ADAMTS13: variants seen among roughly 807,000 people sequenced by gnomAD.
The protein encoded by ADAMTS13 is ADAM metallopeptidase with thrombospondin type 1 motif 13, also known as A disintegrin and metalloproteinase with thrombospondin motifs 13.
In ADAMTS13, 110 loss-of-function variants were observed where a neutral mutation model predicts 155.1. The observed-to-expected ratio is 0.71, with a 90% CI of 0.61 to 0.83. ADAMTS13 has a LOEUF of 0.83. Among genes scored for constraint, ADAMTS13 ranks in the 40% least tolerant of loss-of-function variants. The pLI is 0.00. For synonymous variants in ADAMTS13, 758 were observed against 756.4 expected (o/e 1.00, Z -0.03); for missense variants, 1,707 against 1,891.7 (o/e 0.90, Z 1.81).
rs145620870 is a variant in ADAMTS13, at chr9:133,448,579, T to G, written c.2732-20T>G. On this transcript the variant is annotated intron_variant, in intron 21 of 28. Transcript: ENST00000355699. ...TGAGCCTGTCCCTTGGGGCTCTGGG[T>G]CTCTGCTTTGTCCACGCAGGTCTGA... 7.8e-4 allele frequency: 1,254 copies of G among 1,608,054 alleles called. 11 individuals are homozygous for G. The African/African-American group carries it at 0.015, about 20-fold the overall frequency.
intron 11 of ADAMTS13, among the ~76,000 whole-genome samples, chr9:133,435,568 C>T (rs587755073): frequency 4.7e-4 from 69 of 147,938 alleles, no homozygotes; most frequent in Non-Finnish European, 8.6e-4. Context: ...CTCGCTCTGT[C>T]GCCCAAGCTG....
At chr9:133,414,621 G>A in exon 1 of ADAMTS13, 1 of 1,571,502 alleles carries the variant, frequency 6.4e-7, no homozygotes, top group Non-Finnish European at 8.8e-7. Flanking sequence ...CCTTGGTGAA[G>A]TCGCTGTGCC....
rs1012355291 is a variant in ADAMTS13, at chr9:133,441,999, C to T, written c.1969-400C>T. On this transcript the variant is annotated intron_variant, in intron 16 of 28. Coordinates refer to ENST00000355699, the MANE Select transcript of ADAMTS13 (RefSeq NM_139027.6). The surrounding 1 kb of genome is among the most constrained non-coding windows in gnomAD (Gnocchi z 5.0). ...CCCACCAATGACTTGGTAATTACCTCCCCGAGCCCTCTATCCCAACCCACT... is the reference window on the plus strand; with the variant it reads ...CCCACCAATGACTTGGTAATTACCTTCCCGAGCCCTCTATCCCAACCCACT... 1.3e-5 allele frequency among the ~76,000 whole-genome samples: 2 copies of T among 152,226 alleles called. No individual in the cohort carries two copies. The highest frequency in any genetic ancestry group is 4.8e-5 in the African/African-American group (2 of 41,456).
rs1840057424 is a variant in ADAMTS13 at position 133,422,985 on chromosome 9, C to T, written c.106-116C>T. Reference sequence around the variant, plus strand: ...GACATGGGGTCTTGTTATGTTGCCCCAGCTGGTCTCAAACTCCTGGACTCA... The same window carrying T: ...GACATGGGGTCTTGTTATGTTGCCCTAGCTGGTCTCAAACTCCTGGACTCA... On this transcript the variant is annotated intron_variant, in intron 1 of 28. Coordinates refer to ENST00000355699, the MANE Select transcript of ADAMTS13 (RefSeq NM_139027.6). 3 of 721,504 alleles carry T rather than the reference C, an allele frequency of 4.2e-6. No individual in the cohort carries two copies. The East Asian group carries it at 8.1e-5, about 20-fold the overall frequency. The allele number at this position is 721,504 out of a possible 1,614,324, so 44.7% of individuals were successfully genotyped here.
At chr9:133,455,678 A>G (rs1332938856) in intron 25 of ADAMTS13, 3 of 1,557,246 alleles carry the variant, frequency 1.9e-6, no homozygotes, top group African/African-American at 2.7e-5. Flanking sequence ...TCTGGGAAGG[A>G]CTGGCACAAG....
In ADAMTS13 at chr9:133,442,646, CA is replaced by C; in HGVS notation, c.2138del (p.Gln713ArgfsTer65). On this transcript the variant is annotated frameshift_variant, in exon 18 of 29. Transcript: ENST00000355699. LOFTEE classifies it high-confidence loss of function. ...CTGGGTAAACTACAGCTGCCTGGAC[CA>C]GGCCAGGAAGGAGTTGGTGGAGACT... is the stretch of plus-strand genomic sequence containing the variant. ...LRWVNYSCLDQARKELVETVQ... is the reference protein window; with the variant it reads ...LRWVNYSCLDXARKELVETVQ... 1 of 1,613,268 alleles carries C rather than the reference CA, an allele frequency of 6.2e-7. No individual in the cohort carries two copies. Among genetic ancestry groups the C allele is most frequent in the Non-Finnish European group, 8.5e-7 (1 of 1,180,030 alleles).
At chr9:133,454,387 C>T (rs945105212) in intron 23 of ADAMTS13, 28 bp from the exon 24 acceptor site, 5 of 1,612,758 alleles carry the variant, frequency 3.1e-6, no homozygotes, top group Non-Finnish European at 4.2e-6. Flanking sequence ...GAGACCTAGC[C>T]TCTCTCTGGG....
At position 133,448,606 on chromosome 9, in the gene ADAMTS13, G is replaced by T. The variant is rs1842225791; in HGVS notation, c.2739G>T (p.Met913Ile). The change falls in exon 22 of 29, where the codon ATG becomes ATT. Residue 913 changes from methionine to isoleucine, a missense_variant. Physicochemically the swap from Met to Ile is conservative, Grantham distance 10. Around this residue, in one of 3 missense-constraint regions of ADAMTS13, gnomAD observed 961 missense variants for 1,107.9 expected, o/e 0.87. Transcript: ENST00000355699. ...TCTGCTTTGTCCACGCAGGTCTGAT[G>T]GAGCTGCGTTTCCTGTGCATGGACT... ...SCSVSCGRGL[M>I]ELRFLCMDSA... is the part of the protein sequence containing the mutation. 1 of 1,610,202 alleles carries T rather than the reference G, an allele frequency of 6.2e-7. No homozygotes were observed.
intron 21 of ADAMTS13, among the ~76,000 whole-genome samples, chr9:133,446,373 T>G (rs147665621): frequency 6.6e-6 from 1 of 152,094 alleles, no homozygotes; most frequent in East Asian, 1.9e-4. Flanking sequence ...CAACCTCCAT[T>G]CTCCTTTCTG....
chr9:133,449,182 A>C (rs1554793508), intron 22 of ADAMTS13, among the ~76,000 whole-genome samples: 1 of 152,190 alleles, frequency 6.6e-6, no homozygotes, highest in East Asian at 1.9e-4. Flanking sequence ...AGTACATTGC[A>C]CAGGATCTGG....
chr9:133,443,505 G>T lies in ADAMTS13; in HGVS notation c.2364G>T (p.Gly788=). 6.3e-7 allele frequency: 1 copy of T among 1,583,334 alleles called. No individual in the cohort carries two copies. Residue 788 remains glycine, a synonymous_variant, in exon 19 of 29, where the codon GGG becomes GGT. Coordinates refer to ENST00000355699, the MANE Select transcript of ADAMTS13 (RefSeq NM_139027.6). The part of the protein sequence containing the change: ...KTLPPARCRA[G]AQQPAVALET... Reference sequence around the variant, plus strand: ...TGCCCCCAGCCCGGTGCAGAGCAGGGGCCCAGCAGCCAGCTGTGGCGCTGG... The same window carrying T: ...TGCCCCCAGCCCGGTGCAGAGCAGGTGCCCAGCAGCCAGCTGTGGCGCTGG...
intron 6 of ADAMTS13, among the ~76,000 whole-genome samples, chr9:133,427,332 T>A (rs587635509): frequency 6.6e-6 from 1 of 152,254 alleles, no homozygotes; most frequent in East Asian, 1.9e-4. Context: ...GTGATGGGTT[T>A]CTTTTCATTT....
In ADAMTS13 at chr9:133,432,737, C is replaced by T. The variant is rs184282653; in HGVS notation, c.1092+45C>T. 5.0e-5 allele frequency: 77 copies of T among 1,532,734 alleles called. 1 individual carries two copies. In the Middle Eastern group the frequency reaches 1.5e-3, roughly 30 times the overall value. The allele number at this position is 1,532,734 out of a possible 1,614,324, so 94.9% of individuals were successfully genotyped here. On this transcript the variant is annotated intron_variant, in intron 9 of 28. Transcript: ENST00000355699. ...GAGTGGGCTCCTGTGAGCACGTGCA[C>T]GTGGGTGCCTCCAGCCAGGCCGCCC...
At chr9:133,431,329 ATT>A (rs60906567) in intron 8 of ADAMTS13, among the ~76,000 whole-genome samples, 1 of 137,426 alleles carries the variant, frequency 7.3e-6, no homozygotes, top group Non-Finnish European at 1.6e-5. Flanking sequence ...TCATTTTTTC[ATT>A]TTTTTTTTTT....
upstream of ADAMTS13, chr9:133,417,621 T>A: frequency 6.2e-7 from 1 of 1,613,432 alleles, no homozygotes; most frequent in Non-Finnish European, 8.5e-7. Context: ...AAGCCTCACC[T>A]CTTGCAGCGC....
At chr9:133,420,283 C>T (rs897437582), upstream of ADAMTS13, among the ~76,000 whole-genome samples, 3 of 151,978 alleles carry the variant, frequency 2.0e-5, no homozygotes, top group Admixed American at 1.3e-4. Flanking sequence ...TCATGATCCG[C>T]GTGCCTCGTG....
chr9:133,448,725 C>T lies in ADAMTS13; in HGVS notation c.2858C>T (p.Ala953Val). ...GTCTGCCAGGCTGTCCCGTGCCCTG[C>T]TCGGTGAGTGAGGGGAGCAAGACTG... ...REVCQAVPCPARWQYKLAACS... is the reference protein window; with the variant it reads ...REVCQAVPCPVRWQYKLAACS... The change falls in exon 22 of 29, where the codon GCT becomes GTT. Residue 953 changes from alanine to valine, a missense_variant. Physicochemically the swap from Ala to Val is moderately conservative, Grantham distance 64. This residue lies in a region of ADAMTS13 where 961 missense variants were observed against 1,107.9 expected (regional missense o/e 0.87). Transcript: ENST00000355699. 1.9e-6 allele frequency: 3 copies of T among 1,600,788 alleles called. No homozygotes were observed. The highest frequency in any genetic ancestry group is 2.5e-6 in the Non-Finnish European group (3 of 1,179,762).
intron 16 of ADAMTS13, 148 bp from the exon 17 acceptor site, chr9:133,442,251 A>G (rs981684039): frequency 2.3e-5 from 29 of 1,283,622 alleles, no homozygotes; most frequent in Non-Finnish European, 3.0e-5. Context: ...GTTTACAGGC[A>G]TGAGCTACCG....
chr9:133,445,725 G>A lies in ADAMTS13; in HGVS notation c.2637G>A (p.Lys879=). 6.2e-7 allele frequency: 1 copy of A among 1,612,818 alleles called. No homozygotes were observed. Among genetic ancestry groups the A allele is most frequent in the Non-Finnish European group, 8.5e-7 (1 of 1,179,656 alleles). Residue 879 remains lysine, a synonymous_variant, in exon 21 of 29, where the codon AAG becomes AAA. Coordinates refer to ENST00000355699, the MANE Select transcript of ADAMTS13 (RefSeq NM_139027.6). This position sits in a 1 kb window ranked among gnomAD's most constrained non-coding sequence, Gnocchi z 5.0. Reference sequence around the variant, plus strand: ...TGGATGCCACCTCTGCAGGGGAGAAGGCTCCCTCCCCATGGGGCAGCATCA... The same window carrying A: ...TGGATGCCACCTCTGCAGGGGAGAAAGCTCCCTCCCCATGGGGCAGCATCA... ...GHLDATSAGE[K]APSPWGSIRT...
Sources: allele counts gnomAD v4.1 joint callset (sites outside exome capture counted in the v4.1 genomes callset), GRCh38; gene constraint gnomAD v4.1.1; regional missense constraint gnomAD v4.1.1; non-coding constraint Gnocchi (gnomAD v3.1); transcripts MANE v1.5; gene names NCBI Gene and HGNC (gene_info 2026-07-23, HGNC 2026-07-21).